Variants in GOLGA1 observed in about 807,000 individuals in gnomAD.
The protein encoded by GOLGA1 is golgin subfamily A member 1.
Under a neutral mutation model 119.7 loss-of-function variants are expected in GOLGA1, and 63 were observed. The ratio of observed to expected loss-of-function variants is 0.53; its 90% confidence interval spans 0.43 to 0.65. GOLGA1 has a LOEUF of 0.65. Ranked by LOEUF, GOLGA1 falls within the 30% of genes least tolerant of loss-of-function variation. The pLI, the probability that GOLGA1 is intolerant of heterozygous loss-of-function variation, is 0.00. For missense variants in GOLGA1, 798 were observed against 912.8 expected, an observed-to-expected ratio of 0.87 and a Z score of 1.62; for synonymous variants, 318 against 333.4, an observed-to-expected ratio of 0.95 and a Z score of 0.50.
chr9:124,888,498 C>T lies in GOLGA1; in HGVS notation c.1762-102G>A, dbSNP rs1459368031. The T allele has an allele frequency of 7.9e-6, 8 of 1,011,484 alleles. No individual in the cohort carries two copies. Among genetic ancestry groups the T allele is most frequent in the Admixed American group, 6.2e-5 (3 of 48,250 alleles). 62.7% of individuals were successfully genotyped at this position (1,011,484 alleles called of 1,614,324 possible). On this transcript the variant is annotated intron_variant, in intron 18 of 22. Transcript: ENST00000373555. The surrounding 1 kb of genome is among the most constrained non-coding windows in gnomAD (Gnocchi z 4.4). Reference sequence around the variant, plus strand: ...GCTAGACTCGTCCCTTAGGTATGGGCGTTGTGCTCCAACAGGCAACTGGCC... The same window carrying T: ...GCTAGACTCGTCCCTTAGGTATGGGTGTTGTGCTCCAACAGGCAACTGGCC...
chr9:124,912,170 T>C lies in GOLGA1; in HGVS notation c.844-144A>G, dbSNP rs776552694. ...AACAGCTAAGAGATCTTCCTGAAAA[T>C]GGGATACAGAAAATGCAAGATTAGA... On this transcript the variant is annotated intron_variant, in intron 10 of 22. Coordinates refer to ENST00000373555, the MANE Select transcript of GOLGA1 (RefSeq NM_002077.4). 131 of 725,164 alleles carry C rather than the reference T, an allele frequency of 1.8e-4. 1 individual carries two copies. The highest frequency in any genetic ancestry group is 2.3e-4 in the Non-Finnish European group (104 of 449,108). The allele number at this position is 725,164 out of a possible 1,614,324, so 44.9% of individuals were successfully genotyped here.
rs554280928 is a variant in GOLGA1, at chr9:124,881,744, G to A, written c.2136+40C>T. On this transcript the variant is annotated intron_variant, in intron 21 of 22. Transcript: ENST00000373555. This position sits in a 1 kb window ranked among gnomAD's most constrained non-coding sequence, Gnocchi z 4.9. ...GTCCCTGCAGGACAGACTGTAGGGC[G>A]GGGCCTCAATACCCAAAAGACACCT... The A allele has an allele frequency of 2.4e-5, 34 of 1,421,600 alleles. No individual in the cohort carries two copies. The South Asian group carries it at 2.5e-4, about 10-fold the overall frequency. The allele number at this position is 1,421,600 out of a possible 1,614,324, so 88.1% of individuals were successfully genotyped here.
Position 124,912,065 on chromosome 9 carries a change from C to T in GOLGA1, c.844-39G>A, listed in dbSNP as rs199699587. 3.3e-5 allele frequency: 53 copies of T among 1,589,508 alleles called. No individual in the cohort carries two copies. In the African/African-American group the frequency reaches 6.1e-4, roughly 18 times the overall value. Reference sequence around the variant, plus strand: ...CAGAGATCACTCTATACTAGAAGCCCTCTCTTCCTTCCTTCCTGCTTTCTT... The same window carrying T: ...CAGAGATCACTCTATACTAGAAGCCTTCTCTTCCTTCCTTCCTGCTTTCTT... On this transcript the variant is annotated intron_variant, in intron 10 of 22. Transcript: ENST00000373555.
intron 1 of GOLGA1, among the ~76,000 whole-genome samples, chr9:124,940,679 G>A (rs899201775): frequency 5.3e-5 from 8 of 151,940 alleles, no homozygotes; most frequent in Admixed American, 4.6e-4. Flanking sequence ...GCTTTGGACT[G>A]TCAAAGAAAG....
intron 13 of GOLGA1, among the ~76,000 whole-genome samples, chr9:124,899,905 G>A (rs1292048938): frequency 6.6e-6 from 1 of 152,248 alleles, no homozygotes; most frequent in Non-Finnish European, 1.5e-5. Context: ...GGGCTACTGA[G>A]CCAATCTTTC....
At chr9:124,925,961 C>T (rs1830663959) in intron 7 of GOLGA1, among the ~76,000 whole-genome samples, 1 of 152,186 alleles carries the variant, frequency 6.6e-6, no homozygotes, top group Non-Finnish European at 1.5e-5. Context: ...TCCTCATCTA[C>T]ATCTAGCCAA....
chr9:124,942,844 T>G (rs1399207365), upstream of GOLGA1: 1 of 152,188 alleles, frequency 6.6e-6, no homozygotes, highest in East Asian at 1.9e-4. Flanking sequence ...AGTACTGAAG[T>G]GCCCTCAAGG....
intron 12 of GOLGA1, among the ~76,000 whole-genome samples, chr9:124,905,958 C>A (rs552535907): frequency 6.6e-6 from 1 of 150,916 alleles, no homozygotes; most frequent in Non-Finnish European, 1.5e-5. Flanking sequence ...GCTAAAAATA[C>A]AAAAATTAGT....
intron 12 of GOLGA1, among the ~76,000 whole-genome samples, chr9:124,903,651 CAAA>C (rs11435294): frequency 1.5e-4 from 14 of 91,268 alleles, no homozygotes; most frequent in South Asian, 4.1e-4. Flanking sequence ...AGAAAAAGAC[CAAA>C]AAAAAAAAAA....
rs1415839439 is a variant in GOLGA1 at position 124,890,444 on chromosome 9, G to A, written c.1442C>T (p.Ala481Val). 1 of 1,613,746 alleles carries A rather than the reference G, an allele frequency of 6.2e-7. No homozygotes were observed. The highest frequency in any genetic ancestry group is 8.5e-7 in the Non-Finnish European group (1 of 1,179,646). ...CACCTCCTCCAGGGCTTGAGCCATG[G>A]CCACGCTCACAATTTCTCTTTGGCT... ...EWSQREIVSV[A>V]MAQALEEVRK... The change falls in exon 16 of 23, where the codon GCC (alanine) becomes GTC (valine). Residue 481 changes from alanine to valine, a missense_variant. Ala to Val is a moderately conservative substitution (Grantham distance 64). Coordinates refer to ENST00000373555, the MANE Select transcript of GOLGA1 (RefSeq NM_002077.4).
chr9:124,921,736 G>T lies in GOLGA1; in HGVS notation c.718C>A (p.Leu240Met). 1 of 1,613,530 alleles carries T rather than the reference G, an allele frequency of 6.2e-7. No individual in the cohort carries two copies. Among genetic ancestry groups the T allele is most frequent in the Non-Finnish European group, 8.5e-7 (1 of 1,179,610 alleles). The change falls in exon 9 of 23, where the codon CTG becomes ATG. Residue 240 changes from leucine (L) to methionine (M), a missense_variant. Transcript: ENST00000373555. ...LEELQRHYST[L>M]EEQRDHVIAS... is the part of the protein sequence containing the mutation. ...CCAAGCAAGAACCTCTGCTCTTCCAGCGTTGAGTAGTGTCTCTGCAATTCT... is the reference window on the plus strand; with the variant it reads ...CCAAGCAAGAACCTCTGCTCTTCCATCGTTGAGTAGTGTCTCTGCAATTCT...
rs776086099 is a variant in GOLGA1, at chr9:124,881,776, C to A, written c.2136+8G>T. The A allele has an allele frequency of 1.1e-5, 18 of 1,601,908 alleles. No homozygotes were observed. Among genetic ancestry groups the A allele is most frequent in the Non-Finnish European group, 1.5e-5 (18 of 1,172,784 alleles). On this transcript the variant is annotated splice_region_variant and intron_variant, in intron 21 of 22. Transcript: ENST00000373555. The surrounding 1 kb of genome is among the most constrained non-coding windows in gnomAD (Gnocchi z 4.9). ...CAATACCCAAAAGACACCTCAAAAG[C>A]CCTTTACCTCGGATTCGCGACAAGA... is the stretch of plus-strand genomic sequence containing the variant.
intron 10 of GOLGA1, among the ~76,000 whole-genome samples, chr9:124,915,126 C>T (rs112551719): frequency 5.8e-4 from 88 of 152,226 alleles, no homozygotes; most frequent in Middle Eastern, 6.8e-3. Flanking sequence ...AGTTATAGTC[C>T]CAGAATATGG....
chr9:124,922,333 G>T (rs1234225975), intron 8 of GOLGA1, among the ~76,000 whole-genome samples: 2 of 151,560 alleles, frequency 1.3e-5, no homozygotes, highest in Non-Finnish European at 2.9e-5. Context: ...CATGCATATC[G>T]TTTAAGCCCA....
chr9:124,883,285 TCTC>T (rs1168362480), intron 19 of GOLGA1, among the ~76,000 whole-genome samples: 4 of 147,332 alleles, frequency 2.7e-5, no homozygotes, highest in African/African-American at 1.0e-4. Flanking sequence ...TTCTTCTTCT[TCTC>T]CTTCTTTTTT....
At chr9:124,937,595 C>T (rs1199374914) in intron 3 of GOLGA1, among the ~76,000 whole-genome samples, 5 of 150,018 alleles carry the variant, frequency 3.3e-5, no homozygotes, top group Non-Finnish European at 5.9e-5. Context: ...CATGCCACTG[C>T]ACTCCGGCCT....
chr9:124,914,445 G>A (rs545209988), intron 10 of GOLGA1, among the ~76,000 whole-genome samples: 2 of 152,180 alleles, frequency 1.3e-5, no homozygotes, highest in South Asian at 4.2e-4. Flanking sequence ...AGCTTGCAGT[G>A]AGCCAAGATC....
upstream of GOLGA1, chr9:124,941,086 A>T (rs1017754439): frequency 1.3e-5 from 2 of 152,156 alleles, no homozygotes; most frequent in African/African-American, 4.8e-5. Context: ...CCGGAACCGC[A>T]CGTCTCCCAG....
At chr9:124,908,504 A>G in intron 11 of GOLGA1, 32 bp from the exon 12 acceptor site, 2 of 1,079,282 alleles carry the variant, frequency 1.9e-6, no homozygotes, top group Non-Finnish European at 2.9e-6. Context: ...AAAGAAGACT[A>G]TCATTCCTCA....
Sources: gnomAD v4.1 joint callset for allele counts (sites outside exome capture counted in the v4.1 genomes callset) on GRCh38, gnomAD v4.1.1 for gene constraint, Gnocchi (gnomAD v3.1) non-coding constraint, MANE v1.5 for transcripts, NCBI Gene and HGNC (gene_info 2026-07-23, HGNC 2026-07-21) for gene names.